The following CUBN variants were observed in gnomAD, a reference collection of about 807,000 sequenced individuals.
The protein encoded by CUBN is 460 kDa receptor.
A neutral mutation model predicts 405.3 loss-of-function variants in CUBN; 282 were observed. That is an observed-to-expected ratio of 0.70 (90% CI 0.63 to 0.77). The LOEUF (loss-of-function observed/expected upper bound fraction) is 0.77. CUBN is among the 30% of genes least tolerant of loss of function. CUBN has a pLI of 0.00. For missense variants in CUBN, 4,514 were observed against 4,475.2 expected (o/e 1.01, Z -0.25); for synonymous variants, 1,684 against 1,617.0 (o/e 1.04, Z -0.99).
chr10:16,905,962 T>C (rs1564415633), intron 50 of CUBN, among the ~76,000 whole-genome samples: 1 of 152,014 alleles, frequency 6.6e-6, no homozygotes, highest in Non-Finnish European at 1.5e-5. Context: ...AAAATTTTAA[T>C]AATTAGTTGT....
chr10:16,850,056 T>C (rs1382901362), intron 60 of CUBN, among the ~76,000 whole-genome samples: 1 of 152,276 alleles, frequency 6.6e-6, no homozygotes, highest in African/African-American at 2.4e-5. Flanking sequence ...TCAATTCCTA[T>C]GCCTTTTTGA....
chr10:17,029,171 C>G (rs1228975981), intron 27 of CUBN, among the ~76,000 whole-genome samples: 1 of 152,282 alleles, frequency 6.6e-6, no homozygotes, highest in East Asian at 1.9e-4. Context: ...AGGAAACACG[C>G]AGAGTTTCTT....
chr10:17,066,195 A>T (rs774439469), intron 21 of CUBN, among the ~76,000 whole-genome samples: 3 of 152,174 alleles, frequency 2.0e-5, no homozygotes, highest in African/African-American at 7.2e-5. Context: ...TAAACAGCTC[A>T]CTTATAAAGA....
At chr10:16,937,841 A>C in intron 38 of CUBN, 57 bp from the exon 39 acceptor site, 1 of 1,503,176 alleles carries the variant, frequency 6.7e-7, no homozygotes, top group Non-Finnish European at 9.1e-7. Flanking sequence ...CTTCATAAAA[A>C]GATAAAATAA....
chr10:16,921,895 A>G (rs559402822), intron 43 of CUBN, among the ~76,000 whole-genome samples: 2 of 152,160 alleles, frequency 1.3e-5, no homozygotes, highest in Non-Finnish European at 2.9e-5. Flanking sequence ...TCTCCAATGG[A>G]GGTAATTCAG....
rs563342363 is a variant in CUBN at position 16,862,031 on chromosome 10, C to T, written c.9454+7605G>A. 1.1e-4 allele frequency among the ~76,000 whole-genome samples: 16 copies of T among 152,172 alleles called. No homozygotes were observed. In the South Asian group the frequency reaches 2.9e-3, roughly 28 times the overall value. On this transcript the variant is annotated intron_variant, in intron 59 of 66. Coordinates refer to ENST00000377833, the MANE Select transcript of CUBN (RefSeq NM_001081.4). Reference sequence around the variant, plus strand: ...AGGCGTGGTTGCATGCGCGGGTAATCCCAGCTACTCAAGGGGCTGAGGCAG... The same window carrying T: ...AGGCGTGGTTGCATGCGCGGGTAATTCCAGCTACTCAAGGGGCTGAGGCAG...
At chr10:17,018,087 CAACTCCG>C (rs1834385860) in intron 28 of CUBN, among the ~76,000 whole-genome samples, 1 of 152,128 alleles carries the variant, frequency 6.6e-6, no homozygotes, top group South Asian at 2.1e-4. Flanking sequence ...CCAACGCTCC[CAACTCCG>C]AAGAGTTGGG....
chr10:16,902,261 A>AC (rs1841417820), intron 51 of CUBN, among the ~76,000 whole-genome samples: 1 of 138,586 alleles, frequency 7.2e-6, no homozygotes, highest in South Asian at 2.2e-4. Flanking sequence ...TATATATAGT[A>AC]TATATATATT....
intron 28 of CUBN, among the ~76,000 whole-genome samples, chr10:16,996,265 A>G (rs1833732725): frequency 6.6e-6 from 1 of 152,256 alleles, no homozygotes; most frequent in African/African-American, 2.4e-5. Flanking sequence ...AATGCCCTGA[A>G]GAGAAGCCTA....
chr10:17,127,140 C>G (rs2131328656), intron 3 of CUBN, among the ~76,000 whole-genome samples: 1 of 152,228 alleles, frequency 6.6e-6, no homozygotes, highest in African/African-American at 2.4e-5. Flanking sequence ...CTCAGAACTT[C>G]AGCAAGGCTT....
At chr10:17,093,031 C>T (rs1046532474) in intron 14 of CUBN, among the ~76,000 whole-genome samples, 12 of 152,156 alleles carry the variant, frequency 7.9e-5, no homozygotes, top group Non-Finnish European at 1.5e-4. Flanking sequence ...AAAAGAGAAG[C>T]ATATAAAGTA....
intron 58 of CUBN, among the ~76,000 whole-genome samples, chr10:16,871,669 A>G (rs1223541205): frequency 6.6e-6 from 1 of 152,180 alleles, no homozygotes; most frequent in Non-Finnish European, 1.5e-5. Flanking sequence ...TACAGACAAC[A>G]CATTTATTTT....
At chr10:17,086,832 G>C (rs1836120719) in intron 15 of CUBN, among the ~76,000 whole-genome samples, 3 of 152,164 alleles carry the variant, frequency 2.0e-5, no homozygotes. Flanking sequence ...AGAAATGAGA[G>C]ACATTTCAAT....
At position 16,828,975 on chromosome 10, in the gene CUBN, G is replaced by C. The variant is rs747104109; in HGVS notation, c.10594C>G (p.Pro3532Ala). Residue 3532 changes from proline (P) to alanine (A), a missense_variant, in exon 66 of 67, where the codon CCA becomes GCA. By Grantham distance (27) the Pro-to-Ala change is conservative (BLOSUM62 -1). This residue lies in a region of CUBN where 1,186 missense variants were observed against 1,186.9 expected (regional missense o/e 1.00). Coordinates refer to ENST00000377833, the MANE Select transcript of CUBN (RefSeq NM_001081.4). ...FTSPGYPGTY[P>A]NNTYCEWVLV... Reference sequence around the variant, plus strand: ...ACCCACTCGCAGTACGTGTTGTTTGGGTATGTGCCTGGATAGCCGGGGCTG... The same window carrying C: ...ACCCACTCGCAGTACGTGTTGTTTGCGTATGTGCCTGGATAGCCGGGGCTG... 1 of 1,614,016 alleles carries C rather than the reference G, an allele frequency of 6.2e-7. No individual in the cohort carries two copies. Among genetic ancestry groups the C allele is most frequent in the Non-Finnish European group, 8.5e-7 (1 of 1,180,042 alleles).
intron 31 of CUBN, among the ~76,000 whole-genome samples, chr10:16,955,374 CAAAAAAAAA>C (rs59365817): frequency 6.1e-4 from 42 of 68,860 alleles, no homozygotes; most frequent in African/African-American, 1.4e-3. Flanking sequence ...GATTCTGTCT[CAAAAAAAAA>C]AAAAAAAAAA....
chr10:16,966,579 G>C (rs1448303578), intron 31 of CUBN, among the ~76,000 whole-genome samples: 1 of 152,022 alleles, frequency 6.6e-6, no homozygotes, highest in East Asian at 1.9e-4. Flanking sequence ...CTCCAAAGTA[G>C]CTGGGATTAC....
rs1346405083 is a variant in CUBN at position 16,824,328 on chromosome 10, T to C, written c.*647A>G. 1 of 152,464 alleles carries C rather than the reference T, an allele frequency of 6.6e-6. No individual in the cohort carries two copies. Among genetic ancestry groups the C allele is most frequent in the Non-Finnish European group, 1.5e-5 (1 of 68,344 alleles). 9.4% of individuals were successfully genotyped at this position (152,464 alleles called of 1,614,324 possible). ...ATGGCCTCCCAGCGTGCTGGGATTA[T>C]GGGTATGAGCCACTGCCCCTGGCTA... On this transcript the variant is annotated 3_prime_UTR_variant, in exon 67 of 67. Coordinates refer to ENST00000377833, the MANE Select transcript of CUBN (RefSeq NM_001081.4).
chr10:17,101,465 G>T (rs1034856965), intron 13 of CUBN, among the ~76,000 whole-genome samples: 5 of 151,478 alleles, frequency 3.3e-5, no homozygotes, highest in African/African-American at 1.2e-4. Context: ...TTAGTGTGAG[G>T]TTACCAGGTC....
chr10:16,890,651 T>G, intron 54 of CUBN, 124 bp from the exon 55 acceptor site: 1 of 922,326 alleles, frequency 1.1e-6, no homozygotes, highest in South Asian at 1.3e-5. Flanking sequence ...AAACAAAACA[T>G]GGACAAATCT....
Sources: allele counts gnomAD v4.1 joint callset (sites outside exome capture counted in the v4.1 genomes callset), GRCh38; gene constraint gnomAD v4.1.1; regional missense constraint gnomAD v4.1.1; transcripts MANE v1.5; gene names NCBI Gene and HGNC (gene_info 2026-07-23, HGNC 2026-07-21).